BAZ1A: variants seen among roughly 807,000 people sequenced by gnomAD.
BAZ1A encodes the protein bromodomain adjacent to zinc finger domain 1A.
BAZ1A carries 50 observed loss-of-function variants against 185.2 expected under a neutral mutation model. The observed-to-expected ratio is 0.27, with a 90% CI of 0.22 to 0.34. The LOEUF is 0.34. BAZ1A is among the 10% of genes least tolerant of loss of function. BAZ1A has a pLI of 1.00. For missense variants in BAZ1A, 1,356 were observed against 1,839.9 expected, an observed-to-expected ratio of 0.74 and a Z score of 4.81; for synonymous variants, 571 against 615.6, an observed-to-expected ratio of 0.93 and a Z score of 1.07.
rs375532792 is a variant in BAZ1A, at chr14:34,874,472, G to A, written c.113+20C>T. On this transcript the variant is annotated intron_variant, in intron 2 of 26. Coordinates refer to ENST00000360310, the MANE Select transcript of BAZ1A (RefSeq NM_013448.3). The surrounding 1 kb of genome is among the most constrained non-coding windows in gnomAD (Gnocchi z 4.7). ...GAGTCCCCACACCCCCCGCGGCCCC[G>A]CACACGGCCCGGCTCTTACTCGTAG... The A allele has an allele frequency of 1.2e-6, 2 of 1,604,772 alleles. No individual in the cohort carries two copies. The highest frequency in any genetic ancestry group is 1.7e-6 in the Non-Finnish European group (2 of 1,172,766).
chr14:34,753,392 G>A lies in BAZ1A; in HGVS notation c.*116C>T. On this transcript the variant is annotated 3_prime_UTR_variant, in exon 27 of 27. Transcript: ENST00000360310. ...TTAATATTAAAATTGAGAATATAGT[G>A]CAGGCCACACTTTCATGTGGTCAAT... is the stretch of plus-strand genomic sequence containing the variant. 2.0e-6 allele frequency: 2 copies of A among 976,044 alleles called. No individual in the cohort carries two copies. Among genetic ancestry groups the A allele is most frequent in the Non-Finnish European group, 1.6e-6 (1 of 644,284 alleles). The allele number at this position is 976,044 out of a possible 1,614,324, so 60.5% of individuals were successfully genotyped here.
chr14:34,762,487 T>A (rs1256360869), intron 23 of BAZ1A, among the ~76,000 whole-genome samples: 1 of 151,736 alleles, frequency 6.6e-6, no homozygotes, highest in East Asian at 1.9e-4. Flanking sequence ...TTTCTTTATT[T>A]TTTTTTTTTG....
intron 18 of BAZ1A, among the ~76,000 whole-genome samples, chr14:34,774,956 T>C (rs2138583788): frequency 6.6e-6 from 1 of 152,344 alleles, no homozygotes. Context: ...GGCTCATGCC[T>C]GTAATCCCAG....
At chr14:34,801,233 TAAG>T (rs761607599) in intron 7 of BAZ1A, 40 bp from the exon 8 acceptor site, 1 of 1,455,236 alleles carries the variant, frequency 6.9e-7, no homozygotes, top group African/African-American at 1.4e-5. Flanking sequence ...GTTCTTATAG[TAAG>T]AATAAAAAGC....
Position 34,754,271 on chromosome 14 carries a change from A to G in BAZ1A, c.4474+556T>C, listed in dbSNP as rs529453187. ...CATCATCTCAAAAAAAAAAAAAAAA[A>G]AATTAGGCATGGTGGCCTGCACCTG... On this transcript the variant is annotated intron_variant, in intron 26 of 26. Transcript: ENST00000360310. Among the ~76,000 whole-genome samples the G allele has an allele frequency of 8.9e-3, 1,322 of 149,122 alleles. 23 individuals carry two copies. The highest frequency in any genetic ancestry group is 0.031 in the African/African-American group (1,271 of 40,544).
chr14:34,805,686 T>G (rs1168472868), intron 6 of BAZ1A, among the ~76,000 whole-genome samples: 1 of 152,186 alleles, frequency 6.6e-6, no homozygotes, highest in Non-Finnish European at 1.5e-5. Context: ...TATGCTCACA[T>G]TTTTAAAAAA....
chr14:34,855,975 G>A (rs2042670798), intron 3 of BAZ1A, among the ~76,000 whole-genome samples: 1 of 152,096 alleles, frequency 6.6e-6, no homozygotes, highest in Non-Finnish European at 1.5e-5. Flanking sequence ...AACAAAAAAT[G>A]GAACAGAAAC....
At chr14:34,836,496 A>T (rs2042334284) in intron 3 of BAZ1A, among the ~76,000 whole-genome samples, 1 of 151,834 alleles carries the variant, frequency 6.6e-6, no homozygotes, top group African/African-American at 2.4e-5. Context: ...AGCAAAGGGA[A>T]AGAAGATCTA....
At chr14:34,816,080 C>T (rs1221145625) in intron 4 of BAZ1A, among the ~76,000 whole-genome samples, 15 of 79,428 alleles carry the variant, frequency 1.9e-4, no homozygotes, top group South Asian at 5.8e-4. Flanking sequence ...TATTCCAGAC[C>T]TTTTTTTTTT....
chr14:34,811,875 G>T (rs758491232), intron 4 of BAZ1A, among the ~76,000 whole-genome samples: 6 of 152,066 alleles, frequency 3.9e-5, no homozygotes, highest in Admixed American at 6.6e-5. Context: ...TATAATCCAA[G>T]AATAAAAATG....
At chr14:34,847,334 A>G (rs367960313) in intron 3 of BAZ1A, among the ~76,000 whole-genome samples, 14 of 152,186 alleles carry the variant, frequency 9.2e-5, no homozygotes, top group African/African-American at 3.1e-4. Flanking sequence ...GGAACTAGCA[A>G]TTTTTATCTT....
At chr14:34,855,427 G>A (rs1265787382) in intron 3 of BAZ1A, among the ~76,000 whole-genome samples, 2 of 152,122 alleles carry the variant, frequency 1.3e-5, no homozygotes, top group African/African-American at 2.4e-5. Flanking sequence ...AGCAGCACCA[G>A]AGTCACTCTG....
chr14:34,763,437 A>G (rs1223269505), intron 23 of BAZ1A, among the ~76,000 whole-genome samples: 5 of 149,882 alleles, frequency 3.3e-5, no homozygotes, highest in African/African-American at 1.2e-4. Context: ...AAAAAAAAAA[A>G]GCCGGGGGGA....
Position 34,874,625 on chromosome 14 carries a change from C to T in BAZ1A, c.-21G>A. Reference sequence around the variant, plus strand: ...GGCATCTCCCGTCCGCCCGCGGGCTCGCCTGGACCCTCGGCCGCCCGCGCC... The same window carrying T: ...GGCATCTCCCGTCCGCCCGCGGGCTTGCCTGGACCCTCGGCCGCCCGCGCC... On this transcript the variant is annotated 5_prime_UTR_variant, in exon 2 of 27. Transcript: ENST00000360310. The surrounding 1 kb of genome is among the most constrained non-coding windows in gnomAD (Gnocchi z 4.7). 1 of 1,582,648 alleles carries T rather than the reference C, an allele frequency of 6.3e-7. No individual in the cohort carries two copies. The highest frequency in any genetic ancestry group is 8.6e-7 in the Non-Finnish European group (1 of 1,161,982).
chr14:34,758,225 C>T (rs1055844593), intron 25 of BAZ1A, among the ~76,000 whole-genome samples: 2 of 151,554 alleles, frequency 1.3e-5, no homozygotes, highest in East Asian at 1.9e-4. Flanking sequence ...GAGGCTGCAG[C>T]GAACCAAAAT....
At chr14:34,782,595 TA>T (rs1218287498) in intron 16 of BAZ1A, among the ~76,000 whole-genome samples, 1 of 152,196 alleles carries the variant, frequency 6.6e-6, no homozygotes, top group African/African-American at 2.4e-5. Context: ...GTTTGTGACC[TA>T]AGATCTTAAG....
Position 34,794,896 on chromosome 14 carries a change from T to A in BAZ1A, c.1225-9A>T. The A allele has an allele frequency of 3.1e-6, 5 of 1,608,066 alleles. No homozygotes were observed. Among genetic ancestry groups the A allele is most frequent in the South Asian group, 1.1e-5 (1 of 89,602 alleles). ...GTTGGTTCTGGAAGTTCCTGAAATA[T>A]TGAACAATTTATATAACTATTTGAA... On this transcript the variant is annotated splice_polypyrimidine_tract_variant and intron_variant, in intron 10 of 26. Coordinates refer to ENST00000360310, the MANE Select transcript of BAZ1A (RefSeq NM_013448.3).
At chr14:34,813,643 A>G (rs1238855483) in intron 4 of BAZ1A, among the ~76,000 whole-genome samples, 1 of 152,058 alleles carries the variant, frequency 6.6e-6, no homozygotes. Flanking sequence ...AGATTGTGCC[A>G]TTGCATTCCA....
intron 4 of BAZ1A, among the ~76,000 whole-genome samples, chr14:34,823,189 A>T (rs1414501956): frequency 1.3e-5 from 2 of 151,920 alleles, no homozygotes; most frequent in Non-Finnish European, 2.9e-5. Context: ...CCCACTCTCT[A>T]CTAAAAAATA....
Sources: allele counts gnomAD v4.1 joint callset (sites outside exome capture counted in the v4.1 genomes callset), GRCh38; gene constraint gnomAD v4.1.1; non-coding constraint Gnocchi (gnomAD v3.1); transcripts MANE v1.5; gene names NCBI Gene and HGNC (gene_info 2026-07-23, HGNC 2026-07-21).